Variants in LCOR observed in about 807,000 individuals in gnomAD.
LCOR encodes the protein ligand dependent nuclear receptor corepressor.
In LCOR, 14 loss-of-function variants were observed where a neutral mutation model predicts 64.4. The ratio of observed to expected loss-of-function variants is 0.22; its 90% CI spans 0.14 to 0.34. The LOEUF (loss-of-function observed/expected upper bound fraction) is 0.34, where lower values mean the gene tolerates loss of function less well. Ranked by LOEUF, LCOR falls within the 10% of genes least tolerant of loss-of-function variation. LCOR has a pLI of 1.00. For missense variants in LCOR, 1,686 were observed against 1,765.3 expected (o/e 0.96, Z 0.80); for synonymous variants, 643 against 642.5 (o/e 1.00, Z -0.01).
intron 7 of LCOR, among the ~76,000 whole-genome samples, chr10:96,979,827 A>G (rs942697793): frequency 1.3e-5 from 2 of 152,218 alleles, no homozygotes; most frequent in African/African-American, 2.4e-5. Flanking sequence ...CCAATTGGTC[A>G]TGCTGAGAAA....
At position 96,991,936 on chromosome 10, in the gene LCOR, CTT is replaced by C. The variant is rs1491582090; in HGVS notation, c.*6805_*6806del. ...TTGGAAGCATTTTTCTCTCAAAACT[CTT>C]TTCCTCTAGTATTTAGTTGTTGGGT... On this transcript the variant is annotated 3_prime_UTR_variant, in exon 8 of 8. Transcript: ENST00000421806. 3.9e-5 allele frequency: 6 copies of C among 152,272 alleles called. No homozygotes were observed. The East Asian group carries it at 9.6e-4, about 24-fold the overall frequency. The allele number at this position is 152,272 out of a possible 1,614,324, so 9.4% of individuals were successfully genotyped here. A position where few individuals can be genotyped will look rare whatever the true frequency, so the allele number is the denominator to read the frequency against.
rs185590475 is a variant in LCOR at position 96,907,584 on chromosome 10, T to C, written c.-263-84T>C. On this transcript the variant is annotated intron_variant, in intron 3 of 7. Coordinates refer to ENST00000421806, the MANE Select transcript of LCOR (RefSeq NM_001346516.2). ...TATGGCCTAACTACTTAGTTTTTTG[T>C]TAAACAATATTTTTGAAATTAATTC... is the stretch of plus-strand genomic sequence containing the variant. 7.1e-4 allele frequency: 389 copies of C among 549,628 alleles called. 2 individuals carry two copies. The highest frequency in any genetic ancestry group is 3.4e-4 in the Non-Finnish European group (148 of 431,608). 34.0% of individuals were successfully genotyped at this position (549,628 alleles called of 1,614,324 possible). A position where few individuals can be genotyped will look rare whatever the true frequency, so the allele number is the denominator to read the frequency against.
intron 2 of LCOR, among the ~76,000 whole-genome samples, chr10:96,896,875 G>A (rs1446665048): frequency 6.6e-6 from 1 of 152,168 alleles, no homozygotes; most frequent in African/African-American, 2.4e-5. Flanking sequence ...AAGGAATAGG[G>A]AGAGGATGGG....
chr10:96,888,086 G>T (rs1158562355), intron 2 of LCOR, among the ~76,000 whole-genome samples: 1 of 151,654 alleles, frequency 6.6e-6, no homozygotes, highest in African/African-American at 2.4e-5. Context: ...AATGAAGTGG[G>T]CTAGGTGTGG....
intron 7 of LCOR, among the ~76,000 whole-genome samples, chr10:96,980,173 A>C (rs937887571): frequency 2.0e-5 from 3 of 152,116 alleles, no homozygotes; most frequent in Admixed American, 6.5e-5. Context: ...AAAAAAAAAA[A>C]ACTGTAAGTT....
At position 96,881,791 on chromosome 10, in the gene LCOR, A is replaced by G. The variant is rs113473619; in HGVS notation, c.-329-25474A>G. ...TTATTTTAATTGAGAATATTAGCCA[A>G]TATTTGTGGTACCATGATATTTTAT... On this transcript the variant is annotated intron_variant, in intron 2 of 7. Transcript: ENST00000421806. Among the ~76,000 whole-genome samples, 651 of 152,296 alleles carry G rather than the reference A, an allele frequency of 4.3e-3. 2 individuals are homozygous for G. The highest frequency in any genetic ancestry group is 6.8e-3 in the Middle Eastern group (2 of 294).
At chr10:96,886,470 C>T (rs1195880272) in intron 2 of LCOR, among the ~76,000 whole-genome samples, 2 of 152,128 alleles carry the variant, frequency 1.3e-5, no homozygotes, top group Non-Finnish European at 2.9e-5. Context: ...ATTAGGGATT[C>T]TTAACTCATA....
intron 2 of LCOR, among the ~76,000 whole-genome samples, chr10:96,873,570 ACGTGTGTGTGTGTG>A (rs1210660949): frequency 3.8e-4 from 25 of 66,406 alleles, no homozygotes; most frequent in African/African-American, 1.1e-3. Context: ...ACACACACAC[ACGTGTGTGTGTGTG>A]TGTGTGTGTG....
intron 2 of LCOR, among the ~76,000 whole-genome samples, chr10:96,887,681 CTTTTTTT>C (rs369996836): frequency 6.9e-6 from 1 of 143,944 alleles, no homozygotes; most frequent in African/African-American, 2.5e-5. Context: ...AAACTAGCTA[CTTTTTTT>C]TTTTTTTTAA....
At chr10:96,966,673 T>G (rs1205180096) in intron 7 of LCOR, among the ~76,000 whole-genome samples, 1 of 152,216 alleles carries the variant, frequency 6.6e-6, no homozygotes, top group Non-Finnish European at 1.5e-5. Context: ...ATATTTCACT[T>G]TATTTGCTTC....
intron 7 of LCOR, among the ~76,000 whole-genome samples, chr10:96,953,247 A>G (rs1025958989): frequency 6.6e-6 from 1 of 151,756 alleles, no homozygotes; most frequent in Non-Finnish European, 1.5e-5. Context: ...TTTGGGTTCT[A>G]TTTATATATC....
intron 2 of LCOR, among the ~76,000 whole-genome samples, chr10:96,887,870 A>G (rs1846371076): frequency 6.6e-6 from 1 of 151,306 alleles, no homozygotes; most frequent in Non-Finnish European, 1.5e-5. Context: ...TAGTACAGAC[A>G]GCGTTTCACC....
chr10:96,832,436 C>T (rs1386444132), intron 1 of LCOR, 37 bp downstream of exon 1: 9 of 849,540 alleles, frequency 1.1e-5, no homozygotes, highest in Admixed American at 1.2e-4. Context: ...CCCCTCCGGC[C>T]GCCCCGCCGC....
chr10:96,917,696 C>CTAGA (rs1441856511), intron 4 of LCOR, among the ~76,000 whole-genome samples: 1 of 152,044 alleles, frequency 6.6e-6, no homozygotes, highest in Non-Finnish European at 1.5e-5. Context: ...TATAATAATT[C>CTAGA]ACAAAATGAA....
chr10:96,884,683 C>G (rs1435234615), intron 2 of LCOR, among the ~76,000 whole-genome samples: 2 of 152,184 alleles, frequency 1.3e-5, no homozygotes, highest in Admixed American at 6.5e-5. Flanking sequence ...TTCTGTGGAA[C>G]AAGCTGCCCG....
At chr10:96,967,046 G>C (rs1413669453) in intron 7 of LCOR, among the ~76,000 whole-genome samples, 1 of 152,190 alleles carries the variant, frequency 6.6e-6, no homozygotes, top group Admixed American at 6.5e-5. Context: ...CGACTGTAGA[G>C]GTTTTGTAGG....
chr10:96,886,311 A>G (rs1246410063), intron 2 of LCOR, among the ~76,000 whole-genome samples: 2 of 152,216 alleles, frequency 1.3e-5, no homozygotes, highest in Non-Finnish European at 2.9e-5. Flanking sequence ...GCTTGGAACC[A>G]GAATTATTTT....
intron 4 of LCOR, among the ~76,000 whole-genome samples, chr10:96,917,453 C>T (rs912989728): frequency 1.2e-4 from 19 of 152,268 alleles, no homozygotes; most frequent in Admixed American, 1.2e-3. Context: ...AAAGTAAAAT[C>T]CCATGCTCAT....
At chr10:96,943,838 A>G (rs1185831939) in intron 4 of LCOR, among the ~76,000 whole-genome samples, 1 of 152,156 alleles carries the variant, frequency 6.6e-6, no homozygotes, top group African/African-American at 2.4e-5. Context: ...GAGTGCTTTC[A>G]AGGAAATTAT....
Sources: gnomAD v4.1 joint callset for allele counts (sites outside exome capture counted in the v4.1 genomes callset) on GRCh38, gnomAD v4.1.1 for gene constraint, MANE v1.5 for transcripts, NCBI Gene and HGNC (gene_info 2026-07-23, HGNC 2026-07-21) for gene names.